KPNA4: variants seen among roughly 807,000 people sequenced by gnomAD.
KPNA4 encodes the protein karyopherin subunit alpha 4.
A neutral mutation model predicts 71.3 loss-of-function variants in KPNA4; 13 were observed. The ratio of observed to expected loss-of-function variants is 0.18; its 90% CI spans 0.12 to 0.29. The LOEUF is 0.29. Ranked by LOEUF, KPNA4 falls within the 10% of genes least tolerant of loss-of-function variation. KPNA4 has a pLI of 1.00. For missense variants in KPNA4, 334 were observed against 603.2 expected, an observed-to-expected ratio of 0.55 and a Z score of 4.67; for synonymous variants, 189 against 195.2, an observed-to-expected ratio of 0.97 and a Z score of 0.26.
chr3:160,542,133 A>G (rs541444263), intron 1 of KPNA4, among the ~76,000 whole-genome samples: 7 of 152,354 alleles, frequency 4.6e-5, no homozygotes, highest in African/African-American at 1.4e-4. Flanking sequence ...CTGCTGAAGA[A>G]TATCAGAAGC....
chr3:160,527,838 C>A, intron 8 of KPNA4, 115 bp downstream of exon 8: 1 of 635,078 alleles, frequency 1.6e-6, no homozygotes, highest in Admixed American at 2.7e-5. Flanking sequence ...TAAGCTATTT[C>A]ACAAAAACTA....
At chr3:160,514,463 TTGAATGAGCAAATATGAAATAA>T (rs1206374584) in intron 12 of KPNA4, among the ~76,000 whole-genome samples, 6 of 152,176 alleles carry the variant, frequency 3.9e-5, no homozygotes, top group African/African-American at 1.4e-4. Flanking sequence ...CTGAACAAAT[TTGAATGAGCAAATATGAAATAA>T]TGAATGAGCA....
Position 160,498,155 on chromosome 3 carries a change from T to G in KPNA4, c.*3949A>C, listed in dbSNP as rs1182481882. ...ACAACTCATCATCTAAAGGGAAGGG[T>G]TGGGACAGACTGTAATTCATGGACT... On this transcript the variant is annotated 3_prime_UTR_variant, in exon 17 of 17. Coordinates refer to ENST00000334256, the MANE Select transcript of KPNA4 (RefSeq NM_002268.5). 2.0e-5 allele frequency: 3 copies of G among 152,016 alleles called. No homozygotes were observed. The highest frequency in any genetic ancestry group is 4.4e-5 in the Non-Finnish European group (3 of 68,010). 9.4% of individuals were successfully genotyped at this position (152,016 alleles called of 1,614,324 possible).
intron 16 of KPNA4, among the ~76,000 whole-genome samples, chr3:160,503,723 C>T (rs1328519675): frequency 6.6e-6 from 1 of 152,162 alleles, no homozygotes; most frequent in Non-Finnish European, 1.5e-5. Flanking sequence ...TACAATTAGT[C>T]ACCAAATTGC....
intron 5 of KPNA4, 72 bp downstream of exon 5, chr3:160,535,441 A>T: frequency 9.6e-7 from 1 of 1,045,408 alleles, no homozygotes; most frequent in Non-Finnish European, 1.4e-6. Context: ...GGGACTACTC[A>T]ATAGTAAAAA....
In KPNA4 at chr3:160,521,919, TA is replaced by T; in HGVS notation, c.772-10del. 1 of 1,587,846 alleles carries T rather than the reference TA, an allele frequency of 6.3e-7. No homozygotes were observed. Among genetic ancestry groups the T allele is most frequent in the South Asian group, 1.2e-5 (1 of 86,506 alleles). On this transcript the variant is annotated splice_polypyrimidine_tract_variant and intron_variant, in intron 10 of 16. Transcript: ENST00000334256. Reference sequence around the variant, plus strand: ...ACTGTGTCTACCAGTATCTAATGAATAAAATAAAAATTCAAACAACTTTTAA... The same window carrying T: ...ACTGTGTCTACCAGTATCTAATGAATAAATAAAAATTCAAACAACTTTTAA...
chr3:160,513,936 T>A, intron 13 of KPNA4, 141 bp downstream of exon 13: 1 of 408,572 alleles, frequency 2.4e-6, no homozygotes, highest in Non-Finnish European at 4.0e-6. Flanking sequence ...TCAAAAGTCG[T>A]AATGTTAATA....
chr3:160,503,741 G>T (rs1720926070), intron 16 of KPNA4, among the ~76,000 whole-genome samples: 1 of 152,156 alleles, frequency 6.6e-6, no homozygotes, highest in African/African-American at 2.4e-5. Context: ...TGCAAATTAT[G>T]ATTTTCAAAA....
At position 160,501,894 on chromosome 3, in the gene KPNA4, T is replaced by C; in HGVS notation, c.*210A>G. 1 of 222,448 alleles carries C rather than the reference T, an allele frequency of 4.5e-6. No individual in the cohort carries two copies. Among genetic ancestry groups the C allele is most frequent in the Non-Finnish European group, 8.8e-6 (1 of 113,184 alleles). The allele number at this position is 222,448 out of a possible 1,614,324, so 13.8% of individuals were successfully genotyped here. On this transcript the variant is annotated 3_prime_UTR_variant, in exon 17 of 17. Coordinates refer to ENST00000334256, the MANE Select transcript of KPNA4 (RefSeq NM_002268.5). ...GCCACTCATTCTCACTCGCACCCAC[T>C]CGCCATCTTGACCTCATTTGGGCAT...
At chr3:160,515,625 T>G (rs1721198588) in intron 11 of KPNA4, 45 bp from the exon 12 acceptor site, 2 of 1,600,372 alleles carry the variant, frequency 1.2e-6, no homozygotes, top group African/African-American at 2.7e-5. Context: ...ATCCTTTTTT[T>G]TTTTTTTGAG....
intron 2 of KPNA4, among the ~76,000 whole-genome samples, chr3:160,536,586 C>G (rs1387219472): frequency 6.6e-6 from 1 of 151,946 alleles, no homozygotes; most frequent in Non-Finnish European, 1.5e-5. Flanking sequence ...AAAAGCCTGT[C>G]AAATTTAGTC....
chr3:160,511,128 T>C (rs324448), intron 13 of KPNA4, among the ~76,000 whole-genome samples: 1 of 139,128 alleles, frequency 7.2e-6, no homozygotes, highest in Non-Finnish European at 1.6e-5. Context: ...TTTTTTGAGA[T>C]GGAGTCTCGC....
chr3:160,538,513 C>T (rs2108554863), intron 1 of KPNA4, among the ~76,000 whole-genome samples: 1 of 152,126 alleles, frequency 6.6e-6, no homozygotes, highest in Non-Finnish European at 1.5e-5. Flanking sequence ...TGAATTCTAC[C>T]CATAGACTCC....
At chr3:160,517,937 T>A (rs1402935435) in intron 11 of KPNA4, among the ~76,000 whole-genome samples, 1 of 152,210 alleles carries the variant, frequency 6.6e-6, no homozygotes, top group Non-Finnish European at 1.5e-5. Context: ...TTCTTGATGG[T>A]GTTCTTTGAA....
At chr3:160,543,140 TAGAAG>T (rs1721838354) in intron 1 of KPNA4, among the ~76,000 whole-genome samples, 1 of 152,266 alleles carries the variant, frequency 6.6e-6, no homozygotes, top group Admixed American at 6.5e-5. Flanking sequence ...TTACATATGA[TAGAAG>T]AGAAAATAAA....
At chr3:160,519,315 A>G (rs1721295295) in intron 11 of KPNA4, among the ~76,000 whole-genome samples, 2 of 152,344 alleles carry the variant, frequency 1.3e-5, no homozygotes, top group African/African-American at 4.8e-5. Flanking sequence ...AAAAGAAAGG[A>G]GAAGAAAGTT....
chr3:160,529,273 C>T (rs941929375), intron 7 of KPNA4, among the ~76,000 whole-genome samples: 1 of 152,060 alleles, frequency 6.6e-6, no homozygotes, highest in Non-Finnish European at 1.5e-5. Flanking sequence ...TATATTAAAG[C>T]AGACTAGCAG....
In KPNA4 at chr3:160,526,034, T is replaced by A. The variant is rs141709373; in HGVS notation, c.630A>T (p.Pro210=). ...TTCTTAAGAATGTTATAGGAATAGA[T>A]GGACTTATGAAGGAAAGTAAAGGTT... ...VVKPLLSFIS[P]SIPITFLRNV... is the part of the protein sequence containing the mutation. The change falls in exon 9 of 17, where the codon CCA becomes CCT. Residue 210 remains proline, a synonymous_variant. Coordinates refer to ENST00000334256, the MANE Select transcript of KPNA4 (RefSeq NM_002268.5). 2.7e-4 allele frequency: 433 copies of A among 1,601,902 alleles called. No homozygotes were observed. Among genetic ancestry groups the A allele is most frequent in the Non-Finnish European group, 3.5e-4 (417 of 1,175,224 alleles).
intron 11 of KPNA4, among the ~76,000 whole-genome samples, chr3:160,516,329 C>A (rs1721220186): frequency 6.6e-6 from 1 of 150,668 alleles, no homozygotes; most frequent in South Asian, 2.1e-4. Context: ...TAGCATCAGG[C>A]ACTGATGTAG....
Sources: allele counts gnomAD v4.1 joint callset (sites outside exome capture counted in the v4.1 genomes callset), GRCh38; gene constraint gnomAD v4.1.1; transcripts MANE v1.5; gene names NCBI Gene and HGNC (gene_info 2026-07-23, HGNC 2026-07-21).